The following THEM4 variants were observed in gnomAD, a reference collection of about 807,000 sequenced individuals.
THEM4 encodes the protein acyl-coenzyme A thioesterase THEM4.
Under a neutral mutation model 25.0 loss-of-function variants are expected in THEM4, and 22 were observed. The observed-to-expected ratio is 0.88, with a 90% CI of 0.63 to 1.26. THEM4 has a LOEUF of 1.26. THEM4 is among the 50% of genes most tolerant of loss of function. THEM4 has a pLI of 0.00. For synonymous variants in THEM4, 113 were observed against 105.6 expected, an observed-to-expected ratio of 1.07 and a Z score of -0.43; for missense variants, 286 against 300.3, an observed-to-expected ratio of 0.95 and a Z score of 0.35.
intron 1 of THEM4, among the ~76,000 whole-genome samples, chr1:151,904,334 G>A (rs1420752272): frequency 2.0e-5 from 3 of 151,816 alleles, no homozygotes; most frequent in Admixed American, 6.6e-5. Flanking sequence ...GGTGGCACAA[G>A]GACAAAAATA....
Position 151,876,985 on chromosome 1 carries a change from A to C in THEM4, c.682+16T>G. On this transcript the variant is annotated intron_variant, in intron 5 of 5. Transcript: ENST00000368814. Reference sequence around the variant, plus strand: ...CCCAACTAAACCCCAAGAAAGAGATAAGACCAGCTTCTTACTTGTCGCCTC... The same window carrying C: ...CCCAACTAAACCCCAAGAAAGAGATCAGACCAGCTTCTTACTTGTCGCCTC... 1 of 1,596,098 alleles carries C rather than the reference A, an allele frequency of 6.3e-7. No homozygotes were observed. The highest frequency in any genetic ancestry group is 8.5e-7 in the Non-Finnish European group (1 of 1,174,376).
rs150726711 is a variant in THEM4 at position 151,872,313 on chromosome 1, C to A, written c.*2575G>T. On this transcript the variant is annotated 3_prime_UTR_variant, in exon 6 of 6. Coordinates refer to ENST00000368814, the MANE Select transcript of THEM4 (RefSeq NM_053055.5). ...TGTGGAAGGATGACTGGGTAGGGTA[C>A]CACAAGGCTGTCCCTAAGTTATTAG... is the stretch of plus-strand genomic sequence containing the variant. 2.8e-4 allele frequency among the ~76,000 whole-genome samples: 42 copies of A among 152,258 alleles called. No homozygotes were observed. The East Asian group carries it at 8.1e-3, about 29-fold the overall frequency.
At chr1:151,893,015 G>A (rs1047415275) in intron 2 of THEM4, among the ~76,000 whole-genome samples, 4 of 152,268 alleles carry the variant, frequency 2.6e-5, no homozygotes, top group Middle Eastern at 3.4e-3. Context: ...AAGCTGAGAG[G>A]TTAGCGGACT....
rs957324128 is a variant in THEM4 at position 151,874,164 on chromosome 1, T to G, written c.*724A>C. 2.0e-5 allele frequency: 3 copies of G among 152,278 alleles called. No homozygotes were observed. Among genetic ancestry groups the G allele is most frequent in the African/African-American group, 7.2e-5 (3 of 41,472 alleles). The allele number at this position is 152,278 out of a possible 1,614,324, so 9.4% of individuals were successfully genotyped here. ...CTACACTGACCAAAAAAGATTCATGTGTTCAGATACAACAAAGCTAGCTTT... is the reference window on the plus strand; with the variant it reads ...CTACACTGACCAAAAAAGATTCATGGGTTCAGATACAACAAAGCTAGCTTT... On this transcript the variant is annotated 3_prime_UTR_variant, in exon 6 of 6. Transcript: ENST00000368814.
At chr1:151,897,143 C>G (rs1654242593) in intron 1 of THEM4, among the ~76,000 whole-genome samples, 1 of 152,206 alleles carries the variant, frequency 6.6e-6, no homozygotes, top group South Asian at 2.1e-4. Context: ...AGGAAACTGG[C>G]TTTTTGGACT....
chr1:151,905,965 A>C (rs114740327), intron 1 of THEM4, among the ~76,000 whole-genome samples: 1,569 of 152,356 alleles, frequency 0.01, 34 homozygotes, highest in African/African-American at 0.036. Flanking sequence ...GAGAGGTGAC[A>C]GTGTGCTGGA....
chr1:151,885,581 G>T (rs931613992), intron 4 of THEM4, among the ~76,000 whole-genome samples: 5 of 152,194 alleles, frequency 3.3e-5, no homozygotes, highest in African/African-American at 1.2e-4. Context: ...GGATCTACTT[G>T]TTTTGAAGGA....
At chr1:151,908,324 G>C (rs1654519056) in intron 1 of THEM4, among the ~76,000 whole-genome samples, 1 of 152,234 alleles carries the variant, frequency 6.6e-6, no homozygotes, top group African/African-American at 2.4e-5. Flanking sequence ...AAACTTCGCT[G>C]CAGGCCTCCA....
chr1:151,885,083 TTTTA>T (rs146473655), intron 4 of THEM4, among the ~76,000 whole-genome samples: 11,108 of 145,412 alleles, frequency 0.076, 466 homozygotes, highest in African/African-American at 0.084. Flanking sequence ...TGATTTCATC[TTTTA>T]TTTATTTATT....
rs865807248 is a variant in THEM4 at position 151,892,700 on chromosome 1, C to A, written c.286+2308G>T. Among the ~76,000 whole-genome samples the A allele has an allele frequency of 4.6e-5, 7 of 152,314 alleles. No homozygotes were observed. In the South Asian group the frequency reaches 1.4e-3, roughly 32 times the overall value. On this transcript the variant is annotated intron_variant, in intron 2 of 5. Coordinates refer to ENST00000368814, the MANE Select transcript of THEM4 (RefSeq NM_053055.5). Reference sequence around the variant, plus strand: ...AGGCACAGAAAGGTAAAGTGCCTTGCTCAAAGTTGCACAGCTTTAAATTGT... The same window carrying A: ...AGGCACAGAAAGGTAAAGTGCCTTGATCAAAGTTGCACAGCTTTAAATTGT...
At chr1:151,881,905 C>G in intron 4 of THEM4, among the ~76,000 whole-genome samples, 1 of 152,148 alleles carries the variant, frequency 6.6e-6, no homozygotes, top group East Asian at 1.9e-4. Flanking sequence ...TGGATCTCTT[C>G]AATTCTCTTT....
At chr1:151,898,897 T>A (rs1224297873) in intron 1 of THEM4, among the ~76,000 whole-genome samples, 1 of 152,194 alleles carries the variant, frequency 6.6e-6, no homozygotes. Context: ...GAGTACTACA[T>A]CAGCAGAACA....
Position 151,902,564 on chromosome 1 carries a change from T to G in THEM4, c.99+6796A>C, listed in dbSNP as rs1654374477. Among the ~76,000 whole-genome samples, 3 of 152,294 alleles carry G rather than the reference T, an allele frequency of 2.0e-5. No homozygotes were observed. In the South Asian group the frequency reaches 6.2e-4, roughly 32 times the overall value. ...GGTGCAGTGTATAATGCTCAGGTGA[T>G]GGGTGCACCAATATCTCACAAATCA... is the stretch of plus-strand genomic sequence containing the variant. On this transcript the variant is annotated intron_variant, in intron 1 of 5. Transcript: ENST00000368814.
chr1:151,896,716 A>C (rs1227742858), intron 1 of THEM4, among the ~76,000 whole-genome samples: 1 of 152,170 alleles, frequency 6.6e-6, no homozygotes, highest in African/African-American at 2.4e-5. Context: ...CATAATATAA[A>C]AGATAGTGGG....
At chr1:151,891,562 G>A (rs1396370464) in intron 2 of THEM4, 1 of 152,230 alleles carries the variant, frequency 6.6e-6, no homozygotes, top group East Asian at 1.9e-4. Flanking sequence ...AATGAACTCA[G>A]AAGGTCTTAA....
In THEM4 at chr1:151,889,374, C is replaced by G. The variant is rs148810958; in HGVS notation, c.287-1G>C. 12 of 1,611,856 alleles carry G rather than the reference C, an allele frequency of 7.4e-6. No homozygotes were observed. Among genetic ancestry groups the G allele is most frequent in the Non-Finnish European group, 1.0e-5 (12 of 1,178,940 alleles). On this transcript the variant is annotated splice_acceptor_variant, in intron 2 of 5. Transcript: ENST00000368814. LOFTEE classifies it high-confidence loss of function. ...TGTTCTTCTTTCATAAGCTTTGGGT[C>G]TATAGAAAATGAGGTGGATGGCAAA...
At chr1:151,896,773 G>C (rs1481948988) in intron 1 of THEM4, among the ~76,000 whole-genome samples, 1 of 152,168 alleles carries the variant, frequency 6.6e-6, no homozygotes, top group Non-Finnish European at 1.5e-5. Flanking sequence ...AGCTACTAGG[G>C]TAACTCAGGT....
chr1:151,879,018 C>CATAAATACT (rs1558188346), intron 4 of THEM4, among the ~76,000 whole-genome samples: 1 of 151,296 alleles, frequency 6.6e-6, no homozygotes, highest in East Asian at 1.9e-4. Context: ...AGAGAGCATA[C>CATAAATACT]ATAAATACTA....
chr1:151,886,611 A>G (rs1418646410), intron 4 of THEM4, among the ~76,000 whole-genome samples: 1 of 152,188 alleles, frequency 6.6e-6, no homozygotes, highest in Non-Finnish European at 1.5e-5. Flanking sequence ...TGAAATATTG[A>G]CCATCTGTAA....
Sources: gnomAD v4.1 joint callset for allele counts (sites outside exome capture counted in the v4.1 genomes callset) on GRCh38, gnomAD v4.1.1 for gene constraint, MANE v1.5 for transcripts, NCBI Gene and HGNC (gene_info 2026-07-23, HGNC 2026-07-21) for gene names.